The following KIAA1958 variants were observed in gnomAD, a reference collection of about 807,000 sequenced individuals.
KIAA1958 encodes the protein KIAA1958.
KIAA1958 carries 14 observed loss-of-function variants against 47.2 expected under a neutral mutation model. The ratio of observed to expected loss-of-function variants is 0.30; its 90% CI spans 0.20 to 0.46. The LOEUF (loss-of-function observed/expected upper bound fraction) is 0.46. Among genes scored for constraint, KIAA1958 ranks in the 20% least tolerant of loss-of-function variants. The pLI is 1.00. For synonymous variants in KIAA1958, 354 were observed against 353.3 expected (o/e 1.00, Z -0.02); for missense variants, 803 against 909.2 (o/e 0.88, Z 1.50).
At chr9:112,595,690 A>G (rs1645374308) in intron 2 of KIAA1958, among the ~76,000 whole-genome samples, 1 of 152,008 alleles carries the variant, frequency 6.6e-6, no homozygotes, top group Admixed American at 6.6e-5. Flanking sequence ...AAAAAAAAAA[A>G]AAAAAATTAA....
At chr9:112,499,627 C>G (rs904104143) in intron 1 of KIAA1958, among the ~76,000 whole-genome samples, 4 of 151,026 alleles carry the variant, frequency 2.6e-5, no homozygotes, top group Non-Finnish European at 5.9e-5. Context: ...GTTTTTTGGC[C>G]AACTGCTTTC....
intron 3 of KIAA1958, among the ~76,000 whole-genome samples, chr9:112,650,253 A>G (rs1837035065): frequency 6.6e-6 from 1 of 152,194 alleles, no homozygotes; most frequent in Admixed American, 6.5e-5. Context: ...AATATATATT[A>G]AAAGAAGCTC....
intron 3 of KIAA1958, among the ~76,000 whole-genome samples, chr9:112,651,781 C>T (rs1408627322): frequency 6.6e-6 from 1 of 152,026 alleles, no homozygotes; most frequent in African/African-American, 2.4e-5. Context: ...ACCAAAGGAC[C>T]AAGAAGAAAT....
intron 2 of KIAA1958, among the ~76,000 whole-genome samples, chr9:112,602,512 T>G (rs955343964): frequency 2.0e-5 from 3 of 152,152 alleles, no homozygotes; most frequent in African/African-American, 7.2e-5. Context: ...CATAATCTCT[T>G]TTTTAAAAGG....
At chr9:112,579,746 C>T (rs889211669) in intron 2 of KIAA1958, among the ~76,000 whole-genome samples, 11 of 152,168 alleles carry the variant, frequency 7.2e-5, no homozygotes, top group Admixed American at 2.6e-4. Context: ...AAATTGAGTT[C>T]AGTGAGCTTT....
chr9:112,598,954 T>C lies in KIAA1958; in HGVS notation c.1171+23703T>C, dbSNP rs1235966015. Among the ~76,000 whole-genome samples the C allele has an allele frequency of 2.6e-5, 4 of 152,102 alleles. No homozygotes were observed. The East Asian group carries it at 7.7e-4, about 29-fold the overall frequency. ...AAAATTCGCTGGGTGCAGTAGCGTG[T>C]GCCTGTAGTTCCAGCTATTGGGAAG... On this transcript the variant is annotated intron_variant, in intron 2 of 3. Coordinates refer to ENST00000337530, the MANE Select transcript of KIAA1958 (RefSeq NM_133465.4).
chr9:112,519,213 G>C (rs532823777), intron 1 of KIAA1958, among the ~76,000 whole-genome samples: 10 of 152,052 alleles, frequency 6.6e-5, no homozygotes, highest in South Asian at 2.1e-4. Flanking sequence ...CAAAGTGTTA[G>C]GATTACAGAC....
intron 1 of KIAA1958, among the ~76,000 whole-genome samples, chr9:112,490,705 G>C (rs573799999): frequency 7.4e-4 from 112 of 152,210 alleles, no homozygotes; most frequent in Non-Finnish European, 1.1e-3. Context: ...CTTTTCTGGA[G>C]AAAGGCAAAT....
At chr9:112,562,433 C>T (rs890401379) in intron 1 of KIAA1958, among the ~76,000 whole-genome samples, 5 of 152,194 alleles carry the variant, frequency 3.3e-5, no homozygotes, top group African/African-American at 1.2e-4. Context: ...CACCCCTGCA[C>T]TGTCCCAGCT....
In KIAA1958 at chr9:112,660,055, A is replaced by T. The variant is rs1436571931; in HGVS notation, c.2137A>T (p.Ser713Cys). The stretch of plus-strand genomic sequence containing the variant: ...GGTCTCCCGGAGGCTTGGCTCCCAC[A>T]GCTGCTGCCAGTGAGCCCCCACTGG... ...TQVSRRLGSH[S>C]CCQ Residue 713 changes from serine to cysteine, a missense_variant, in exon 4 of 4, where the codon AGC becomes TGC. Transcript: ENST00000337530. 1 of 1,612,838 alleles carries T rather than the reference A, an allele frequency of 6.2e-7. No homozygotes were observed. The highest frequency in any genetic ancestry group is 8.5e-7 in the Non-Finnish European group (1 of 1,179,880).
At chr9:112,559,405 T>C (rs1835291385) in intron 1 of KIAA1958, among the ~76,000 whole-genome samples, 1 of 152,122 alleles carries the variant, frequency 6.6e-6, no homozygotes, top group South Asian at 2.1e-4. Flanking sequence ...AAAGGCAGTA[T>C]CATGGAAGCT....
Position 112,659,926 on chromosome 9 carries a change from G to A in KIAA1958, c.2008G>A (p.Glu670Lys), listed in dbSNP as rs1014928172. 3.7e-6 allele frequency: 6 copies of A among 1,614,122 alleles called. No homozygotes were observed. Among genetic ancestry groups the A allele is most frequent in the Non-Finnish European group, 5.1e-6 (6 of 1,180,052 alleles). ...AGACATGGGCAGCGTGTGGTATGAG[G>A]AGCAGAGGATGGGGCTGCGCTCTCT... ...ATDMGSVWYEEQRMGLRSLRG... is the reference protein window; with the variant it reads ...ATDMGSVWYEKQRMGLRSLRG... The change falls in exon 4 of 4, where the codon GAG becomes AAG. Residue 670 changes from glutamate to lysine, a missense_variant. Physicochemically the swap from Glu to Lys is moderately conservative, Grantham distance 56. Transcript: ENST00000337530.
chr9:112,537,213 C>A (rs1009645213), intron 1 of KIAA1958, among the ~76,000 whole-genome samples: 1 of 152,038 alleles, frequency 6.6e-6, no homozygotes, highest in Admixed American at 6.6e-5. Context: ...TCAAGTGATT[C>A]TCCCGCCTCA....
At chr9:112,497,739 T>G (rs1162390853) in intron 1 of KIAA1958, among the ~76,000 whole-genome samples, 1 of 152,166 alleles carries the variant, frequency 6.6e-6, no homozygotes, top group Non-Finnish European at 1.5e-5. Context: ...AAATGCAAAC[T>G]TGGGGAGGTT....
At chr9:112,583,128 T>G (rs530474535) in intron 2 of KIAA1958, among the ~76,000 whole-genome samples, 2 of 152,184 alleles carry the variant, frequency 1.3e-5, no homozygotes, top group South Asian at 4.1e-4. Context: ...TGTGAGAGAA[T>G]TCCCTCCTTT....
chr9:112,612,175 A>T (rs1243317364), intron 2 of KIAA1958, among the ~76,000 whole-genome samples: 1 of 152,102 alleles, frequency 6.6e-6, no homozygotes, highest in Non-Finnish European at 1.5e-5. Context: ...TGGGAAGCTG[A>T]GGTGGAAGAA....
At chr9:112,498,319 A>C (rs982589700) in intron 1 of KIAA1958, among the ~76,000 whole-genome samples, 5 of 152,204 alleles carry the variant, frequency 3.3e-5, no homozygotes, top group Non-Finnish European at 5.9e-5. Context: ...AACCTACCAA[A>C]GGAATCCTTT....
At chr9:112,518,599 T>C (rs1834480550) in intron 1 of KIAA1958, among the ~76,000 whole-genome samples, 1 of 152,206 alleles carries the variant, frequency 6.6e-6, no homozygotes, top group Non-Finnish European at 1.5e-5. Context: ...AATTAGATGC[T>C]CTAAAGGAAA....
intron 2 of KIAA1958, among the ~76,000 whole-genome samples, chr9:112,615,943 T>C (rs1836402412): frequency 6.6e-6 from 1 of 152,256 alleles, no homozygotes; most frequent in Admixed American, 6.5e-5. Context: ...CTGGAAATTT[T>C]TCTCCCAAAG....
Sources: gnomAD v4.1 joint callset for allele counts (sites outside exome capture counted in the v4.1 genomes callset) on GRCh38, gnomAD v4.1.1 for gene constraint, MANE v1.5 for transcripts, NCBI Gene and HGNC (gene_info 2026-07-23, HGNC 2026-07-21) for gene names.